Variants in COL9A2 observed in about 807,000 individuals in gnomAD.
COL9A2 encodes the protein collagen alpha-2(IX) chain.
COL9A2 carries 66 observed loss-of-function variants against 111.6 expected under a neutral mutation model. That is an observed-to-expected ratio of 0.59 (90% CI 0.48 to 0.73). The LOEUF is 0.73. Among genes scored for constraint, COL9A2 ranks in the 30% least tolerant of loss-of-function variants. COL9A2 has a pLI of 0.00. For missense variants in COL9A2, 881 were observed against 954.1 expected, an observed-to-expected ratio of 0.92 and a Z score of 1.01; for synonymous variants, 353 against 364.1, an observed-to-expected ratio of 0.97 and a Z score of 0.35.
At position 40,317,078 on chromosome 1, in the gene COL9A2, A is replaced by AC. The variant is rs1557808533; in HGVS notation, c.75+44dup. 2.0e-6 allele frequency: 3 copies of AC among 1,533,358 alleles called. No homozygotes were observed. In the East Asian group the frequency reaches 7.4e-5, roughly 38 times the overall value. The allele number at this position is 1,533,358 out of a possible 1,614,324, so 95.0% of individuals were successfully genotyped here. On this transcript the variant is annotated intron_variant, in intron 1 of 31. Transcript: ENST00000372748. The surrounding 1 kb of genome is among the most constrained non-coding windows in gnomAD (Gnocchi z 4.3). ...AGAGCTCCTCCATCCCGGACTCCAG[A>AC]CCCCGCACCCTGGACCCTGGCAGCG...
In COL9A2 at chr1:40,307,794, G is replaced by A. The variant is rs748856313; in HGVS notation, c.901-38C>T. On this transcript the variant is annotated intron_variant, in intron 17 of 31. Coordinates refer to ENST00000372748, the MANE Select transcript of COL9A2 (RefSeq NM_001852.4). This position sits in a 1 kb window ranked among gnomAD's most constrained non-coding sequence, Gnocchi z 4.8. ...AAAGTTCAAGGGAGAGTGATAATGCGGAGATGTCTGGGGTCTGGCCACCCA... is the reference window on the plus strand; with the variant it reads ...AAAGTTCAAGGGAGAGTGATAATGCAGAGATGTCTGGGGTCTGGCCACCCA... The A allele has an allele frequency of 3.7e-5, 60 of 1,608,354 alleles. No homozygotes were observed. The highest frequency in any genetic ancestry group is 1.6e-4 in the Middle Eastern group (1 of 6,072).
intron 21 of COL9A2, chr1:40,305,065 T>C (rs905681771): frequency 5.0e-4 from 155 of 312,494 alleles, no homozygotes; most frequent in Non-Finnish European, 5.2e-4. Flanking sequence ...TTCTTTCTTT[T>C]TTTTTTTTTT....
Position 40,312,705 on chromosome 1 carries a change from CGCTGAGGCCCCA to C in COL9A2, c.303+14_303+25del. 1 of 1,567,230 alleles carries C rather than the reference CGCTGAGGCCCCA, an allele frequency of 6.4e-7. No homozygotes were observed. Among genetic ancestry groups the C allele is most frequent in the Non-Finnish European group, 8.7e-7 (1 of 1,155,014 alleles). On this transcript the variant is annotated intron_variant, in intron 5 of 31. Coordinates refer to ENST00000372748, the MANE Select transcript of COL9A2 (RefSeq NM_001852.4). This position sits in a 1 kb window ranked among gnomAD's most constrained non-coding sequence, Gnocchi z 6.0. ...CCAAACGCTGGCCCTAGATTGCCCA[CGCTGAGGCCCCA>C]GCAGGCCCCTTACCTTGACTCCAGG...
rs1207798459 is a variant in COL9A2, at chr1:40,305,726, G to A, written c.1096C>T (p.Pro366Ser). The A allele has an allele frequency of 1.2e-6, 2 of 1,614,102 alleles. No individual in the cohort carries two copies. The highest frequency in any genetic ancestry group is 1.1e-5 in the South Asian group (1 of 91,078). ...CAGGGGGCATTTACCTCTTTCCCAG[G>A]GGGACCAGAGAATCCAGGAAGGCCC... is the stretch of plus-strand genomic sequence containing the variant. ...PQGLPGFSGPPGKEGEPGPRG... is the reference protein window; with the variant it reads ...PQGLPGFSGPSGKEGEPGPRG... Residue 366 changes from proline to serine, a missense_variant, in exon 21 of 32, where the codon CCT (proline) becomes TCT (serine). Physicochemically the swap from Pro to Ser is moderately conservative, Grantham distance 74. Coordinates refer to ENST00000372748, the MANE Select transcript of COL9A2 (RefSeq NM_001852.4).
rs750478200 is a variant in COL9A2, at chr1:40,303,931, C to T, written c.1365G>A (p.Glu455=). 1.7e-5 allele frequency: 27 copies of T among 1,555,884 alleles called. No individual in the cohort carries two copies. The highest frequency in any genetic ancestry group is 5.8e-5 in the Admixed American group (3 of 51,536). Residue 455 remains glutamate, a synonymous_variant, in exon 26 of 32, where the codon GAG becomes GAA. Transcript: ENST00000372748. The surrounding 1 kb of genome is among the most constrained non-coding windows in gnomAD (Gnocchi z 4.6). ...CTTCCCTAGGCCGCGCGCTCACCTT[C>T]TCGCCTTTCTCTCCGGGGAGGCCGG... The part of the protein sequence containing the change: ...GVAGLPGEKG[E]KGESGEPGPK...
intron 31 of COL9A2, 31 bp from the exon 32 acceptor site, chr1:40,301,412 G>C (rs1338665130): frequency 3.2e-6 from 5 of 1,577,988 alleles, no homozygotes; most frequent in Middle Eastern, 1.7e-4. Flanking sequence ...AGACATTAGG[G>C]GCACCTCTTG....
rs1279007803 is a variant in COL9A2, at chr1:40,314,160, A to G, written c.249+45T>C. 5.0e-6 allele frequency: 8 copies of G among 1,605,264 alleles called. No homozygotes were observed. Among genetic ancestry groups the G allele is most frequent in the African/African-American group, 1.3e-5 (1 of 74,692 alleles). On this transcript the variant is annotated intron_variant, in intron 4 of 31. Coordinates refer to ENST00000372748, the MANE Select transcript of COL9A2 (RefSeq NM_001852.4). The surrounding 1 kb of genome is among the most constrained non-coding windows in gnomAD (Gnocchi z 4.1). ...TGCCAGAGCCAGGCCCTGGAGGTCAATTGGCAGAGCCCTACCCTGCCCCAC... is the reference window on the plus strand; with the variant it reads ...TGCCAGAGCCAGGCCCTGGAGGTCAGTTGGCAGAGCCCTACCCTGCCCCAC...
rs750048263 is a variant in COL9A2 at position 40,303,563 on chromosome 1, G to A, written c.1515C>T (p.Gly505=). 6 of 1,611,474 alleles carry A rather than the reference G, an allele frequency of 3.7e-6. No individual in the cohort carries two copies. The highest frequency in any genetic ancestry group is 2.2e-5 in the East Asian group (1 of 44,782). ...CCTGTCTCCCGGGCTGTCCTGGCAC[G>A]CCTCGGTTCCCGGCCAGTCCTCGAG... ...PGPRGLAGNR[G]VPGQPGRQGV... Residue 505 remains glycine, a synonymous_variant, in exon 28 of 32, where the codon GGC becomes GGT. Coordinates refer to ENST00000372748, the MANE Select transcript of COL9A2 (RefSeq NM_001852.4). The surrounding 1 kb of genome is among the most constrained non-coding windows in gnomAD (Gnocchi z 4.6).
In COL9A2 at chr1:40,316,073, G is replaced by T. The variant is rs1283872731; in HGVS notation, c.76-409C>A. 2 of 172,346 alleles carry T rather than the reference G, an allele frequency of 1.2e-5. No individual in the cohort carries two copies. Among genetic ancestry groups the T allele is most frequent in the Non-Finnish European group, 2.5e-5 (2 of 80,630 alleles). 10.7% of individuals were successfully genotyped at this position (172,346 alleles called of 1,614,324 possible). A position where few individuals can be genotyped will look rare whatever the true frequency, so the allele number is the denominator to read the frequency against. On this transcript the variant is annotated intron_variant, in intron 1 of 31. Transcript: ENST00000372748. The surrounding 1 kb of genome is among the most constrained non-coding windows in gnomAD (Gnocchi z 5.5). ...AAATAAATCACAGATGGAATGTAAG[G>T]TTGTGCCTAGCAGGCTGCCGGCCCT... is the stretch of plus-strand genomic sequence containing the variant.
chr1:40,316,680 G>A lies in COL9A2; in HGVS notation c.75+443C>T, dbSNP rs1035954513. On this transcript the variant is annotated intron_variant, in intron 1 of 31. Transcript: ENST00000372748. The surrounding 1 kb of genome is among the most constrained non-coding windows in gnomAD (Gnocchi z 5.5). Reference sequence around the variant, plus strand: ...GCGCCCGCAGCCCCCGGCGGCCCTCGGAAGGGAGACGTGGGTAGGCGGGCA... The same window carrying A: ...GCGCCCGCAGCCCCCGGCGGCCCTCAGAAGGGAGACGTGGGTAGGCGGGCA... 2.8e-5 allele frequency: 12 copies of A among 435,194 alleles called. No homozygotes were observed. The highest frequency in any genetic ancestry group is 4.6e-5 in the Non-Finnish European group (10 of 218,736). The allele number at this position is 435,194 out of a possible 1,614,324, so 27.0% of individuals were successfully genotyped here.
Position 40,303,917 on chromosome 1 carries a change from C to A in COL9A2, c.1368+11G>T. On this transcript the variant is annotated intron_variant, in intron 26 of 31. Transcript: ENST00000372748. This position sits in a 1 kb window ranked among gnomAD's most constrained non-coding sequence, Gnocchi z 4.6. ...CGCCGCTCCCCGCCCTTCCCTAGGC[C>A]GCGCGCTCACCTTCTCGCCTTTCTC... 1 of 1,552,264 alleles carries A rather than the reference C, an allele frequency of 6.4e-7. No individual in the cohort carries two copies.
chr1:40,310,212 G>T lies in COL9A2; in HGVS notation c.739-48C>A, dbSNP rs1644099793. The T allele has an allele frequency of 6.2e-7, 1 of 1,613,390 alleles. No homozygotes were observed. On this transcript the variant is annotated intron_variant, in intron 14 of 31. Transcript: ENST00000372748. The surrounding 1 kb of genome is among the most constrained non-coding windows in gnomAD (Gnocchi z 4.9). Reference sequence around the variant, plus strand: ...GGTCAGTCCTGGCTGAACTCCAGGGGCCAGAAGGCAGCTCCTGGAAGCTCT... The same window carrying T: ...GGTCAGTCCTGGCTGAACTCCAGGGTCCAGAAGGCAGCTCCTGGAAGCTCT...
Position 40,312,003 on chromosome 1 carries a change from T to C in COL9A2, c.417+56A>G. 1 of 1,542,804 alleles carries C rather than the reference T, an allele frequency of 6.5e-7. No individual in the cohort carries two copies. The highest frequency in any genetic ancestry group is 8.8e-7 in the Non-Finnish European group (1 of 1,130,770). ...GAACTTCCAGAAAGACCACCCAGCT[T>C]GCCAGCTTGGAGATAGAAGGCAGGA... On this transcript the variant is annotated intron_variant, in intron 8 of 31. Coordinates refer to ENST00000372748, the MANE Select transcript of COL9A2 (RefSeq NM_001852.4). This position sits in a 1 kb window ranked among gnomAD's most constrained non-coding sequence, Gnocchi z 6.0.
At position 40,317,122 on chromosome 1, in the gene COL9A2, C is replaced by A. The variant is rs1359662463; in HGVS notation, c.75+1G>T. ...GGCAGCGGAGGGGCTGCGAAACTTA[C>A]AATCTGCGCCAGAGCGAGCACTACC... On this transcript the variant is annotated splice_donor_variant, in intron 1 of 31. Transcript: ENST00000372748. LOFTEE classifies it high-confidence loss of function. The surrounding 1 kb of genome is among the most constrained non-coding windows in gnomAD (Gnocchi z 4.3). 1.3e-6 allele frequency: 2 copies of A among 1,572,840 alleles called. No homozygotes were observed. The highest frequency in any genetic ancestry group is 1.2e-5 in the South Asian group (1 of 85,462).
At chr1:40,306,050 A>G (rs1343347257) in intron 20 of COL9A2, 93 bp downstream of exon 20, 6 of 1,448,842 alleles carry the variant, frequency 4.1e-6, no homozygotes, top group South Asian at 1.1e-5. Flanking sequence ...GTTCTGGCTG[A>G]GCCTCTGAGA....
Position 40,317,079 on chromosome 1 carries a change from C to A in COL9A2, c.75+44G>T. On this transcript the variant is annotated intron_variant, in intron 1 of 31. Coordinates refer to ENST00000372748, the MANE Select transcript of COL9A2 (RefSeq NM_001852.4). The surrounding 1 kb of genome is among the most constrained non-coding windows in gnomAD (Gnocchi z 4.3). ...GAGCTCCTCCATCCCGGACTCCAGACCCCGCACCCTGGACCCTGGCAGCGG... is the reference window on the plus strand; with the variant it reads ...GAGCTCCTCCATCCCGGACTCCAGAACCCGCACCCTGGACCCTGGCAGCGG... 6.5e-7 allele frequency: 1 copy of A among 1,537,660 alleles called. No homozygotes were observed. The highest frequency in any genetic ancestry group is 8.8e-7 in the Non-Finnish European group (1 of 1,134,188).
At position 40,300,976 on chromosome 1, in the gene COL9A2, G is replaced by T; in HGVS notation, c.*206C>A. The T allele has an allele frequency of 1.7e-6, 1 of 591,260 alleles. No homozygotes were observed. The highest frequency in any genetic ancestry group is 3.0e-6 in the Non-Finnish European group (1 of 332,092). 36.6% of individuals were successfully genotyped at this position (591,260 alleles called of 1,614,324 possible). ...CGACTCCATCGACACCACTTGCCCT[G>T]TGTGTTGGCCTCACTTTTTCACCCA... On this transcript the variant is annotated 3_prime_UTR_variant, in exon 32 of 32. Coordinates refer to ENST00000372748, the MANE Select transcript of COL9A2 (RefSeq NM_001852.4). The surrounding 1 kb of genome is among the most constrained non-coding windows in gnomAD (Gnocchi z 4.4).
rs531467506 is a variant in COL9A2 at position 40,303,444 on chromosome 1, G to A, written c.1548+86C>T. On this transcript the variant is annotated intron_variant, in intron 28 of 31. Transcript: ENST00000372748. The surrounding 1 kb of genome is among the most constrained non-coding windows in gnomAD (Gnocchi z 4.6). The stretch of plus-strand genomic sequence containing the variant: ...GTCTCGGGGAAGTCGGTGAGTCTCT[G>A]GGAATCCCTAGCCTTTGGCGGGTAA... The A allele has an allele frequency of 2.4e-4, 379 of 1,562,182 alleles. 1 individual carries two copies. The African/African-American group carries it at 4.4e-3, about 18-fold the overall frequency.
intron 16 of COL9A2, 66 bp downstream of exon 16, chr1:40,309,872 G>A (rs955017862): frequency 3.2e-5 from 48 of 1,517,274 alleles, no homozygotes; most frequent in Non-Finnish European, 4.1e-5. Context: ...CAGCCTTAGG[G>A]GGTGCCTTGT....
Sources: allele counts gnomAD v4.1 joint callset, GRCh38; gene constraint gnomAD v4.1.1; non-coding constraint Gnocchi (gnomAD v3.1); transcripts MANE v1.5; gene names NCBI Gene and HGNC (gene_info 2026-07-23, HGNC 2026-07-21).